The following DPY30 variants were observed in gnomAD, a reference collection of about 807,000 sequenced individuals.
The protein encoded by DPY30 is dpy-30 histone methyltransferase complex regulatory subunit, also known as protein dpy-30 homolog.
Under a neutral mutation model 16.2 loss-of-function variants are expected in DPY30, and 6 were observed. The observed-to-expected ratio is 0.37, with a 90% CI of 0.20 to 0.73. The LOEUF is 0.73. Among genes scored for constraint, DPY30 ranks in the 30% least tolerant of loss-of-function variants. The pLI is 0.51. For missense variants in DPY30, 73 were observed against 113.1 expected, an observed-to-expected ratio of 0.65 and a Z score of 1.61; for synonymous variants, 39 against 38.8, an observed-to-expected ratio of 1.00 and a Z score of -0.02.
At chr2:32,019,022 T>C (rs983911001), downstream of DPY30, among the ~76,000 whole-genome samples, 2 of 151,990 alleles carry the variant, frequency 1.3e-5, no homozygotes, top group Non-Finnish European at 2.9e-5. Context: ...CAAGACTCTA[T>C]CTCAAAAACA....
intron 2 of DPY30, 36 bp downstream of exon 2, chr2:32,039,385 G>C: frequency 6.2e-7 from 1 of 1,614,066 alleles, no homozygotes; most frequent in Non-Finnish European, 8.5e-7. Context: ...CTGCCTCCCT[G>C]CACACCGCCA....
intron 3 of DPY30, among the ~76,000 whole-genome samples, chr2:32,037,453 G>A (rs373156575): frequency 3.3e-5 from 5 of 151,830 alleles, no homozygotes; most frequent in African/African-American, 9.7e-5. Flanking sequence ...CTGTAGGCAC[G>A]TACCGTCACA....
intron 3 of DPY30, among the ~76,000 whole-genome samples, chr2:32,032,940 G>A (rs541959210): frequency 3.9e-5 from 6 of 152,202 alleles, no homozygotes; most frequent in African/African-American, 1.4e-4. Context: ...AGGTTGCAGT[G>A]AGCCAAGATT....
At chr2:32,035,803 G>C (rs918767503) in intron 3 of DPY30, among the ~76,000 whole-genome samples, 1 of 151,220 alleles carries the variant, frequency 6.6e-6, no homozygotes, top group Admixed American at 6.6e-5. Context: ...GCATGGTAGC[G>C]GGTGCCTATA....
intron 3 of DPY30, among the ~76,000 whole-genome samples, chr2:32,038,327 C>A (rs1281674633): frequency 6.9e-6 from 1 of 145,318 alleles, no homozygotes; most frequent in Non-Finnish European, 1.5e-5. Flanking sequence ...GTCTGGAACT[C>A]CTGACCTCAG....
Position 32,039,461 on chromosome 2 carries a change from G to C in DPY30, c.-5C>G, listed in dbSNP as rs375540699. 10 of 1,613,928 alleles carry C rather than the reference G, an allele frequency of 6.2e-6. No individual in the cohort carries two copies. In the African/African-American group the frequency reaches 1.3e-4, roughly 22 times the overall value. Reference sequence around the variant, plus strand: ...CAGCATCTGCTCTGGCTCCATGGCGGACCCTGCAAGTCACAGTCCCCGGAT... The same window carrying C: ...CAGCATCTGCTCTGGCTCCATGGCGCACCCTGCAAGTCACAGTCCCCGGAT... On this transcript the variant is annotated 5_prime_UTR_variant, in exon 2 of 5. Transcript: ENST00000342166.
chr2:32,018,838 G>T (rs1281461314), intron 5 of DPY30, among the ~76,000 whole-genome samples: 1 of 151,882 alleles, frequency 6.6e-6, no homozygotes, highest in African/African-American at 2.4e-5. Flanking sequence ...GGGCAACATG[G>T]TGAAATCCTG....
At chr2:32,030,477 A>T (rs1675493310) in intron 3 of DPY30, among the ~76,000 whole-genome samples, 1 of 151,978 alleles carries the variant, frequency 6.6e-6, no homozygotes, top group Non-Finnish European at 1.5e-5. Context: ...AAAAATACAA[A>T]CAATTCCCCG....
chr2:32,036,763 G>T (rs1675757522), intron 3 of DPY30, among the ~76,000 whole-genome samples: 1 of 151,868 alleles, frequency 6.6e-6, no homozygotes, highest in Non-Finnish European at 1.5e-5. Flanking sequence ...CACCTACTCG[G>T]GAGGCTGAGG....
At chr2:32,016,985 C>T (rs998580451) in intron 5 of DPY30, among the ~76,000 whole-genome samples, 9 of 151,970 alleles carry the variant, frequency 5.9e-5, no homozygotes, top group Admixed American at 1.3e-4. Context: ...CGGGTTCAAG[C>T]GATTCTCCTG....
chr2:32,026,583 G>A (rs1191403758), intron 4 of DPY30, among the ~76,000 whole-genome samples: 2 of 152,142 alleles, frequency 1.3e-5, no homozygotes, highest in Admixed American at 6.5e-5. Flanking sequence ...CTGAAATCAG[G>A]AGTTCCAGAC....
At chr2:32,018,405 C>T (rs1215431126) in intron 5 of DPY30, among the ~76,000 whole-genome samples, 1 of 151,932 alleles carries the variant, frequency 6.6e-6, no homozygotes, top group Non-Finnish European at 1.5e-5. Context: ...AAAAAATTAC[C>T]AAATTCATAT....
chr2:32,038,981 G>A (rs891095583), intron 3 of DPY30, among the ~76,000 whole-genome samples: 1 of 152,050 alleles, frequency 6.6e-6, no homozygotes, highest in African/African-American at 2.4e-5. Flanking sequence ...CGGTTTTTAC[G>A]TAGCAACATC....
chr2:32,017,460 T>C (rs1480650397), intron 5 of DPY30, among the ~76,000 whole-genome samples: 1 of 151,624 alleles, frequency 6.6e-6, no homozygotes, highest in African/African-American at 2.4e-5. Flanking sequence ...TTACTAAAAA[T>C]ACAAAAATTA....
chr2:32,017,043 C>T (rs954003972), intron 5 of DPY30, among the ~76,000 whole-genome samples: 2 of 151,836 alleles, frequency 1.3e-5, no homozygotes, highest in African/African-American at 2.4e-5. Context: ...CCACCACACC[C>T]GGCTAATTTT....
intron 3 of DPY30, among the ~76,000 whole-genome samples, chr2:32,032,882 G>C (rs1249037833): frequency 6.6e-6 from 1 of 152,036 alleles, no homozygotes; most frequent in Non-Finnish European, 1.5e-5. Flanking sequence ...AGTAATCCCA[G>C]CTATTCAGGA....
chr2:32,019,820 C>CAAAA (rs1169379455), downstream of DPY30, among the ~76,000 whole-genome samples: 2 of 86,656 alleles, frequency 2.3e-5, no homozygotes, highest in African/African-American at 3.8e-5. Context: ...AACTCCGTCT[C>CAAAA]AAAAAAAAAA....
rs770490909 is a variant in DPY30, at chr2:32,029,632, A to G, written c.189T>C (p.Pro63=). The change falls in exon 4 of 5, where the codon CCT becomes CCC. Residue 63 remains proline, a synonymous_variant. Transcript: ENST00000342166. ...TRAYLDQTVV[P]ILLQGLAVLA... ...GCACAGCAAGTCCCTGTAATAAGAT[A>G]GGCACAACTGTCTGATCCAGGTAGG... The G allele has an allele frequency of 4.3e-6, 7 of 1,613,764 alleles. No individual in the cohort carries two copies. Among genetic ancestry groups the G allele is most frequent in the Non-Finnish European group, 5.9e-6 (7 of 1,180,000 alleles).
chr2:32,030,672 G>C (rs1675504368), intron 3 of DPY30, among the ~76,000 whole-genome samples: 1 of 151,562 alleles, frequency 6.6e-6, no homozygotes. Context: ...GGTAGTGCGT[G>C]CCTGTAGCCC....
Sources: allele counts gnomAD v4.1 joint callset (sites outside exome capture counted in the v4.1 genomes callset), GRCh38; gene constraint gnomAD v4.1.1; transcripts MANE v1.5; gene names NCBI Gene and HGNC (gene_info 2026-07-23, HGNC 2026-07-21).